CASK: variants seen among roughly 807,000 people sequenced by gnomAD.
CASK encodes peripheral plasma membrane protein CASK.
A neutral mutation model predicts 82.9 loss-of-function variants in CASK; 4 were observed. That is an observed-to-expected ratio of 0.05 (90% CI 0.02 to 0.11). CASK has a LOEUF of 0.11. Among genes scored for constraint, CASK ranks in the 10% least tolerant of loss-of-function variants. CASK has a pLI of 1.00. For synonymous variants in CASK, 259 were observed against 253.5 expected (o/e 1.02, Z -0.20); for missense variants, 358 against 720.9 (o/e 0.50, Z 5.76).
intron 9 of CASK, among the ~76,000 whole-genome samples, chrX:41,634,706 T>C (rs747523521): frequency 8.0e-5 from 9 of 112,430 alleles, no homozygotes; most frequent in Non-Finnish European, 1.7e-4. Flanking sequence ...ATAGAAAAGT[T>C]GACAAAAAAG....
chrX:41,754,837 C>T (rs1372994873), intron 3 of CASK, among the ~76,000 whole-genome samples: 1 of 108,487 alleles, frequency 9.2e-6, no homozygotes, highest in Non-Finnish European at 1.9e-5. Context: ...ATTTAATCTT[C>T]TGAGACAGAA....
chrX:41,779,465 C>G (rs922917661), intron 3 of CASK, among the ~76,000 whole-genome samples: 1 of 111,568 alleles, frequency 9.0e-6, no homozygotes, highest in Non-Finnish European at 1.9e-5. Context: ...ATGCTGAGTC[C>G]TTTGAGTTTT....
chrX:41,599,758 T>G (rs2065868506), intron 12 of CASK, among the ~76,000 whole-genome samples: 1 of 111,752 alleles, frequency 8.9e-6, no homozygotes, highest in Admixed American at 9.6e-5. Context: ...GCTTGACTGT[T>G]CTCTATGCCT....
rs189281584 is a variant in CASK, at chrX:41,738,601, G to C, written c.429+783C>G. Among the ~76,000 whole-genome samples the C allele has an allele frequency of 3.5e-3, 391 of 112,029 alleles. 2 individuals carry two copies. The highest frequency in any genetic ancestry group is 0.012 in the African/African-American group (373 of 30,905). On this transcript the variant is annotated intron_variant, in intron 5 of 26. Coordinates refer to ENST00000378163, the MANE Select transcript of CASK (RefSeq NM_001367721.1). ...GTATTAAATACATCGAAGAAGCCAGGCCTTTAATAATATATCTTGAGGGAA... is the reference window on the plus strand; with the variant it reads ...GTATTAAATACATCGAAGAAGCCAGCCCTTTAATAATATATCTTGAGGGAA...
At chrX:41,841,510 T>G (rs2071037872) in intron 2 of CASK, among the ~76,000 whole-genome samples, 1 of 106,813 alleles carries the variant, frequency 9.4e-6, no homozygotes, top group Non-Finnish European at 1.9e-5. Flanking sequence ...TTTTCCTTTT[T>G]GTTTTTTTTT....
chrX:41,695,671 T>C, intron 5 of CASK: 1 of 1,204,155 alleles, frequency 8.3e-7, no homozygotes, highest in Non-Finnish European at 1.1e-6. Flanking sequence ...ACAACTTCAG[T>C]CAGCAGCTGG....
intron 17 of CASK, among the ~76,000 whole-genome samples, chrX:41,561,315 T>G (rs1047748252): frequency 9.1e-6 from 1 of 110,365 alleles, no homozygotes; most frequent in African/African-American, 3.3e-5. Flanking sequence ...AAACAGGAGA[T>G]AAAGGATAAA....
At chrX:41,774,361 T>C (rs943423590) in intron 3 of CASK, among the ~76,000 whole-genome samples, 2 of 111,353 alleles carry the variant, frequency 1.8e-5, no homozygotes, top group African/African-American at 3.3e-5. Context: ...AATAAAATAC[T>C]TAGGAATCCA....
At chrX:41,575,300 C>T (rs1298169195) in intron 15 of CASK, among the ~76,000 whole-genome samples, 1 of 111,814 alleles carries the variant, frequency 8.9e-6, no homozygotes, top group African/African-American at 3.3e-5. Flanking sequence ...AGGTCCCAAA[C>T]ATTTCTCTGT....
chrX:41,846,171 C>T (rs761151340), intron 2 of CASK, among the ~76,000 whole-genome samples: 4 of 111,391 alleles, frequency 3.6e-5, no homozygotes, highest in Non-Finnish European at 7.5e-5. Flanking sequence ...TGGAATCAAC[C>T]TAAGTGTCCA....
At chrX:41,774,046 T>C (rs1260129156) in intron 3 of CASK, among the ~76,000 whole-genome samples, 1 of 111,972 alleles carries the variant, frequency 8.9e-6, no homozygotes, top group Non-Finnish European at 1.9e-5. Context: ...TAAAACCTTT[T>C]TGACTCCTGT....
intron 5 of CASK, among the ~76,000 whole-genome samples, chrX:41,677,436 C>T (rs2067286994): frequency 1.8e-5 from 2 of 111,446 alleles, no homozygotes; most frequent in African/African-American, 3.3e-5. Flanking sequence ...GTTTGGTATC[C>T]GGAAGTCAAG....
intron 14 of CASK, chrX:41,584,674 G>T (rs2065632112): frequency 9.0e-6 from 1 of 111,351 alleles, no homozygotes; most frequent in African/African-American, 3.3e-5. Flanking sequence ...TGGTAATGCT[G>T]GCTGGCCTGC....
chrX:41,640,756 T>C (rs1418911327), intron 8 of CASK, among the ~76,000 whole-genome samples: 1 of 111,511 alleles, frequency 9.0e-6, no homozygotes, highest in African/African-American at 3.3e-5. Flanking sequence ...ATTCTTTACA[T>C]ATTGCAAATA....
At chrX:41,785,002 C>CTTT (rs368185380) in intron 3 of CASK, among the ~76,000 whole-genome samples, 45 of 74,791 alleles carry the variant, frequency 6.0e-4, no homozygotes, top group East Asian at 8.1e-4. Context: ...TTTCAAAATT[C>CTTT]TTTTTTTTTT....
In CASK at chrX:41,609,145, C is replaced by T. The variant is rs1264763730; in HGVS notation, c.1155+759G>A. Among the ~76,000 whole-genome samples the T allele has an allele frequency of 3.6e-5, 4 of 111,952 alleles. No individual in the cohort carries two copies. The East Asian group carries it at 1.1e-3, about 31-fold the overall frequency. ...TTTCTTTGTTTTTGAGATGGAGTTT[C>T]GCTCTTGTTGCCCAGGCTGGAGTGC... On this transcript the variant is annotated intron_variant, in intron 12 of 26. Transcript: ENST00000378163.
At chrX:41,786,104 G>A (rs1392681048) in intron 3 of CASK, among the ~76,000 whole-genome samples, 2 of 111,714 alleles carry the variant, frequency 1.8e-5, no homozygotes, top group African/African-American at 6.5e-5. Context: ...GAGCTTGGAA[G>A]CAGATCCACA....
chrX:41,889,424 G>T (rs1188866150), intron 1 of CASK, among the ~76,000 whole-genome samples: 1 of 110,036 alleles, frequency 9.1e-6, no homozygotes, highest in Non-Finnish European at 1.9e-5. Context: ...TTTTTCATAT[G>T]CTTGCTGGCC....
At chrX:41,784,783 G>A (rs745783024) in intron 3 of CASK, among the ~76,000 whole-genome samples, 1 of 109,922 alleles carries the variant, frequency 9.1e-6, no homozygotes, top group African/African-American at 3.3e-5. Flanking sequence ...GGCTGAGGCA[G>A]GAGAATTGCT....
Sources: allele counts gnomAD v4.1 joint callset (sites outside exome capture counted in the v4.1 genomes callset), GRCh38; gene constraint gnomAD v4.1.1; transcripts MANE v1.5; gene names NCBI Gene and HGNC (gene_info 2026-07-23, HGNC 2026-07-21).